RBM19: variants seen among roughly 807,000 people sequenced by gnomAD.
RBM19 encodes probable RNA-binding protein 19.
In RBM19, 94 loss-of-function variants were observed where a neutral mutation model predicts 116.8. The observed-to-expected ratio is 0.80, with a 90% CI of 0.68 to 0.95. The LOEUF (loss-of-function observed/expected upper bound fraction) is 0.95, where lower values mean the gene tolerates loss of function less well. Among genes scored for constraint, RBM19 ranks in the 40% least tolerant of loss-of-function variants. RBM19 has a pLI of 0.00. For missense variants in RBM19, 1,161 were observed against 1,220.7 expected (o/e 0.95, Z 0.73); for synonymous variants, 475 against 494.1 (o/e 0.96, Z 0.51).
At chr12:113,869,725 A>G (rs1033977696) in intron 21 of RBM19, among the ~76,000 whole-genome samples, 8 of 152,190 alleles carry the variant, frequency 5.3e-5, no homozygotes, top group African/African-American at 1.9e-4. Flanking sequence ...AGAGGAAAAA[A>G]AAAACCCAGC....
At chr12:113,884,035 G>A (rs1457715031) in intron 21 of RBM19, among the ~76,000 whole-genome samples, 1 of 151,064 alleles carries the variant, frequency 6.6e-6, no homozygotes, top group Non-Finnish European at 1.5e-5. Context: ...AGCACTTTGG[G>A]AGGCTGAAGT....
At chr12:113,933,973 G>A (rs1169429692) in intron 16 of RBM19, among the ~76,000 whole-genome samples, 2 of 152,174 alleles carry the variant, frequency 1.3e-5, no homozygotes, top group Admixed American at 1.3e-4. Context: ...TAATTTTTGA[G>A]ATAGGGTCTT....
chr12:113,871,812 C>T (rs369236693), intron 21 of RBM19, among the ~76,000 whole-genome samples: 5 of 151,794 alleles, frequency 3.3e-5, no homozygotes, highest in Admixed American at 1.3e-4. Context: ...CAGTCTTTGC[C>T]GCCGCGCCGG....
intron 18 of RBM19, 29 bp from the exon 19 acceptor site, chr12:113,920,719 G>C: frequency 6.3e-7 from 1 of 1,598,158 alleles, no homozygotes; most frequent in Non-Finnish European, 8.6e-7. Context: ...AATCACACCA[G>C]TCGGTGAAGC....
chr12:113,845,180 C>T (rs981849801), intron 22 of RBM19, among the ~76,000 whole-genome samples: 13 of 152,318 alleles, frequency 8.5e-5, no homozygotes, highest in African/African-American at 2.9e-4. Flanking sequence ...GGATGACAAG[C>T]GTGCAGGCCT....
chr12:113,953,179 G>A (rs1365441821), intron 7 of RBM19, among the ~76,000 whole-genome samples: 3 of 151,934 alleles, frequency 2.0e-5, no homozygotes, highest in African/African-American at 4.9e-5. Context: ...AGACATGATC[G>A]GGCACTTTCC....
chr12:113,835,195 C>T lies in RBM19; in HGVS notation c.2785+9473G>A, dbSNP rs115670816. On this transcript the variant is annotated intron_variant, in intron 23 of 23. Transcript: ENST00000261741. ...TGACTGTGAAGATGAACTGAGTTAA[C>T]GCTCACACAGTGTCCAGCACCTGTT... is the stretch of plus-strand genomic sequence containing the variant. 6.0e-3 allele frequency among the ~76,000 whole-genome samples: 920 copies of T among 152,244 alleles called. 6 individuals carry two copies. The highest frequency in any genetic ancestry group is 0.017 in the African/African-American group (718 of 41,538).
In RBM19 at chr12:113,947,411, C is replaced by T; in HGVS notation, c.1330G>A (p.Gly444Ser). 1.2e-6 allele frequency: 2 copies of T among 1,610,750 alleles called. No homozygotes were observed. The highest frequency in any genetic ancestry group is 8.5e-7 in the Non-Finnish European group (1 of 1,177,192). Reference sequence around the variant, plus strand: ...AACATGAAGGTGATGAATGCAAAACCCTTGGGTTTCTTGGTCAGGCTGTCG... The same window carrying T: ...AACATGAAGGTGATGAATGCAAAACTCTTGGGTTTCTTGGTCAGGCTGTCG... ...PIDSLTKKPK[G>S]FAFITFMFPE... Residue 444 changes from glycine to serine, a missense_variant, in exon 11 of 24, where the codon GGT becomes AGT. Gly to Ser is a moderately conservative substitution (Grantham distance 56). Coordinates refer to ENST00000261741, the MANE Select transcript of RBM19 (RefSeq NM_016196.4).
intron 21 of RBM19, among the ~76,000 whole-genome samples, chr12:113,860,228 A>AG (rs1252139348): frequency 1.3e-5 from 2 of 152,002 alleles, no homozygotes; most frequent in Admixed American, 6.5e-5. Flanking sequence ...TCCCTGCTGG[A>AG]GGGGGGCCAG....
chr12:113,862,436 C>T lies in RBM19; in HGVS notation c.2559-3540G>A, dbSNP rs11835792. Among the ~76,000 whole-genome samples, 1,107 of 151,016 alleles carry T rather than the reference C, an allele frequency of 7.3e-3. 12 individuals are homozygous for T. The highest frequency in any genetic ancestry group is 0.026 in the African/African-American group (1,062 of 41,006). On this transcript the variant is annotated intron_variant, in intron 21 of 23. Transcript: ENST00000261741. Reference sequence around the variant, plus strand: ...AATACTAATGATCTCAGAGAGCTATCGAAAGAGAATTAAAAAGAAAAAAAA... The same window carrying T: ...AATACTAATGATCTCAGAGAGCTATTGAAAGAGAATTAAAAAGAAAAAAAA...
intron 21 of RBM19, among the ~76,000 whole-genome samples, chr12:113,896,623 T>A (rs1193227934): frequency 2.0e-5 from 3 of 152,092 alleles, no homozygotes; most frequent in Non-Finnish European, 4.4e-5. Flanking sequence ...GGCTGAGAAA[T>A]CCATGTTCTG....
intron 22 of RBM19, 53 bp downstream of exon 22, chr12:113,858,738 G>A: frequency 1.3e-6 from 2 of 1,538,648 alleles, no homozygotes; most frequent in Non-Finnish European, 1.8e-6. Flanking sequence ...CTCCTACAAT[G>A]GGTACTGGAA....
chr12:113,876,144 G>A (rs927336014), intron 21 of RBM19, among the ~76,000 whole-genome samples: 4 of 152,172 alleles, frequency 2.6e-5, no homozygotes, highest in Non-Finnish European at 4.4e-5. Context: ...TTCAAGTCCC[G>A]CATTAAACAG....
At chr12:113,887,465 G>C (rs754027720) in intron 21 of RBM19, among the ~76,000 whole-genome samples, 1 of 151,600 alleles carries the variant, frequency 6.6e-6, no homozygotes, top group South Asian at 2.1e-4. Flanking sequence ...GTGAAACCCC[G>C]TCTCTGCTAA....
chr12:113,858,356 G>C (rs1878078675), intron 22 of RBM19, among the ~76,000 whole-genome samples: 1 of 152,208 alleles, frequency 6.6e-6, no homozygotes, highest in African/African-American at 2.4e-5. Flanking sequence ...CGGAAAAAAG[G>C]AAGGGGAAGA....
At chr12:113,922,934 G>C (rs1868721064) in intron 18 of RBM19, among the ~76,000 whole-genome samples, 2 of 152,172 alleles carry the variant, frequency 1.3e-5, no homozygotes, top group Admixed American at 1.3e-4. Context: ...AGGAGTTCGA[G>C]ACCAGCCTGA....
At chr12:113,844,177 C>T (rs1187155275) in intron 23 of RBM19, among the ~76,000 whole-genome samples, 2 of 152,244 alleles carry the variant, frequency 1.3e-5, no homozygotes, top group African/African-American at 4.8e-5. Flanking sequence ...GACCTGTGGG[C>T]ATCAGCCCTC....
chr12:113,932,979 C>T lies in RBM19; in HGVS notation c.2068+4028G>A, dbSNP rs551732432. On this transcript the variant is annotated intron_variant, in intron 16 of 23. Coordinates refer to ENST00000261741, the MANE Select transcript of RBM19 (RefSeq NM_016196.4). ...TATAATCAGGCCACAGAATTTACTG[C>T]GGCCTCCTCCCCTTTCCCGGCTCTC... Among the ~76,000 whole-genome samples the T allele has an allele frequency of 1.1e-3, 166 of 152,222 alleles. 1 individual carries two copies. Among genetic ancestry groups the T allele is most frequent in the Admixed American group, 2.9e-3 (45 of 15,306 alleles).
intron 21 of RBM19, among the ~76,000 whole-genome samples, chr12:113,905,990 G>T (rs532582061): frequency 6.6e-6 from 1 of 152,184 alleles, no homozygotes; most frequent in African/African-American, 2.4e-5. Flanking sequence ...AGGATGAGGC[G>T]CACCAGAACA....
Sources: gnomAD v4.1 joint callset for allele counts (sites outside exome capture counted in the v4.1 genomes callset) on GRCh38, gnomAD v4.1.1 for gene constraint, MANE v1.5 for transcripts, NCBI Gene and HGNC (gene_info 2026-07-23, HGNC 2026-07-21) for gene names.